Variants in POU3F4 observed in about 807,000 individuals in gnomAD.
POU3F4 encodes the protein POU domain, class 3, transcription factor 4.
POU3F4 carries 2 observed loss-of-function variants against 15.2 expected under a neutral mutation model. The observed-to-expected ratio is 0.13, with a 90% CI of 0.05 to 0.42. The LOEUF is 0.42. Among genes scored for constraint, POU3F4 ranks in the 10% least tolerant of loss-of-function variants. The probability of loss-of-function intolerance (pLI) is 0.99; values close to 1 mark genes in which losing one functional copy is unlikely to be tolerated. For synonymous variants in POU3F4, 158 were observed against 133.3 expected (o/e 1.19, Z -1.28); for missense variants, 220 against 297.0 (o/e 0.74, Z 1.91).
chrX:83,509,721 T>C lies in POU3F4; in HGVS notation c.*311T>C, dbSNP rs1440811075. On this transcript the variant is annotated 3_prime_UTR_variant, in exon 1 of 1. Coordinates refer to ENST00000644024, the MANE Select transcript of POU3F4 (RefSeq NM_000307.5). ...TTTCCTTTTTTTCCCTTTTCTTTCC[T>C]TTTCATAAGAGGTTCTAACTTCTGT... 5 of 322,229 alleles carry C rather than the reference T, an allele frequency of 1.6e-5. No homozygotes were observed. Among genetic ancestry groups the C allele is most frequent in the Non-Finnish European group, 2.8e-5 (5 of 180,317 alleles). 26.6% of individuals were successfully genotyped at this position (322,229 alleles called of 1,213,427 possible). A position where few individuals can be genotyped will look rare whatever the true frequency, so the allele number is the denominator to read the frequency against.
chrX:83,510,365 TA>T lies in POU3F4; in HGVS notation c.*956del, dbSNP rs1243519455. ...GAGTTATTGATGATGATATTGGTTATATTTTTTTTCCGGGGTGGAGTGCCTA... is the reference window on the plus strand; with the variant it reads ...GAGTTATTGATGATGATATTGGTTATTTTTTTTTCCGGGGTGGAGTGCCTA... On this transcript the variant is annotated 3_prime_UTR_variant, in exon 1 of 1. Coordinates refer to ENST00000644024, the MANE Select transcript of POU3F4 (RefSeq NM_000307.5). The T allele has an allele frequency of 9.3e-6, 1 of 107,234 alleles. No homozygotes were observed. The highest frequency in any genetic ancestry group is 3.4e-5 in the African/African-American group (1 of 29,271). The allele number at this position is 107,234 out of a possible 1,213,427, so 8.8% of individuals were successfully genotyped here.
chrX:83,509,218 C>T lies in POU3F4; in HGVS notation c.894C>T (p.Leu298=), dbSNP rs2147996845. 1 of 1,211,436 alleles carries T rather than the reference C, an allele frequency of 8.3e-7. No homozygotes were observed. Among genetic ancestry groups the T allele is most frequent in the Non-Finnish European group, 1.1e-6 (1 of 895,256 alleles). ...AGGGCGTACTGGAGACGCATTTCCT[C>T]AAGTGTCCCAAGCCTGCCGCGCAGG... ...SVKGVLETHF[L]KCPKPAAQEI... is the part of the protein sequence containing the mutation. Residue 298 remains leucine (L), a synonymous_variant, in exon 1 of 1, where the codon CTC becomes CTT. Coordinates refer to ENST00000644024, the MANE Select transcript of POU3F4 (RefSeq NM_000307.5).
rs1447562844 is a variant in POU3F4 at position 83,511,836 on chromosome X, T to G, written c.*2426T>G. 1 of 112,819 alleles carries G rather than the reference T, an allele frequency of 8.9e-6. No individual in the cohort carries two copies. Among genetic ancestry groups the G allele is most frequent in the Admixed American group, 9.4e-5 (1 of 10,689 alleles). The allele number at this position is 112,819 out of a possible 1,213,427, so 9.3% of individuals were successfully genotyped here. On this transcript the variant is annotated 3_prime_UTR_variant, in exon 1 of 1. Transcript: ENST00000644024. The stretch of plus-strand genomic sequence containing the variant: ...GTTATTAATTTAAAGAAAGATCATT[T>G]AGTTTATTCATTTAGTAACTGATGT...
In POU3F4 at chrX:83,508,825, A is replaced by G. The variant is rs1356190950; in HGVS notation, c.501A>G (p.Arg167=). ...ASAQSLHPVL[R]EPPDHGELGS... is the part of the protein sequence containing the mutation. ...CACAGAGCCTGCACCCGGTGCTCCG[A>G]GAGCCCCCGGATCACGGCGAACTGG... Residue 167 remains arginine, a synonymous_variant, in exon 1 of 1, where the codon CGA becomes CGG. Coordinates refer to ENST00000644024, the MANE Select transcript of POU3F4 (RefSeq NM_000307.5). The G allele has an allele frequency of 1.7e-6, 2 of 1,207,750 alleles. No individual in the cohort carries two copies. Among genetic ancestry groups the G allele is most frequent in the Admixed American group, 2.2e-5 (1 of 45,595 alleles).
chrX:83,509,544 T>G lies in POU3F4; in HGVS notation c.*134T>G. ...CTCGTTCGCTCGCTCTCTCGTACTC[T>G]CTCTCTTTTCCCTCCTTTCCTTTTT... is the stretch of plus-strand genomic sequence containing the variant. On this transcript the variant is annotated 3_prime_UTR_variant, in exon 1 of 1. Transcript: ENST00000644024. 1 of 896,209 alleles carries G rather than the reference T, an allele frequency of 1.1e-6. No homozygotes were observed. The highest frequency in any genetic ancestry group is 3.1e-5 in the Admixed American group (1 of 32,193). The allele number at this position is 896,209 out of a possible 1,213,427, so 73.9% of individuals were successfully genotyped here. A position where few individuals can be genotyped will look rare whatever the true frequency, so the allele number is the denominator to read the frequency against.
rs940031434 is a variant in POU3F4 at position 83,509,503 on chromosome X, T to C, written c.*93T>C. ...CTTCCTTTCATTCTAGTATTCTTTA[T>C]TATTTTTCTCTCTCTCTCGTTCGCT... On this transcript the variant is annotated 3_prime_UTR_variant, in exon 1 of 1. Coordinates refer to ENST00000644024, the MANE Select transcript of POU3F4 (RefSeq NM_000307.5). The C allele has an allele frequency of 7.2e-6, 8 of 1,116,881 alleles. No individual in the cohort carries two copies. In the Middle Eastern group the frequency reaches 8.4e-4, roughly 117 times the overall value. 92.0% of individuals were successfully genotyped at this position (1,116,881 alleles called of 1,213,427 possible).
Position 83,511,113 on chromosome X carries a change from CGTGT to C in POU3F4, c.*1713_*1716del, listed in dbSNP as rs746931064. The C allele has an allele frequency of 7.7e-5, 8 of 104,198 alleles. No individual in the cohort carries two copies. Among genetic ancestry groups the C allele is most frequent in the South Asian group, 4.4e-4 (1 of 2,292 alleles). The allele number at this position is 104,198 out of a possible 1,213,427, so 8.6% of individuals were successfully genotyped here. ...ATCTCTGTGTGTATGTGTCTCTGTG[CGTGT>C]GTGTGTGTGCGTGCGCGTGCAAACG... On this transcript the variant is annotated 3_prime_UTR_variant, in exon 1 of 1. Coordinates refer to ENST00000644024, the MANE Select transcript of POU3F4 (RefSeq NM_000307.5).
At position 83,508,306 on chromosome X, in the gene POU3F4, T is replaced by C. The variant is rs764152522; in HGVS notation, c.-19T>C. 5 of 1,211,783 alleles carry C rather than the reference T, an allele frequency of 4.1e-6. No individual in the cohort carries two copies. In the South Asian group the frequency reaches 5.3e-5, roughly 13 times the overall value. ...GCTCCCTTTGCCACATTATAACTAG[T>C]AGGGGATCCTCACCGACCATGGCCA... On this transcript the variant is annotated 5_prime_UTR_variant, in exon 1 of 1. Transcript: ENST00000644024.
rs1408236440 is a variant in POU3F4, at chrX:83,511,034, G to A, written c.*1624G>A. Reference sequence around the variant, plus strand: ...GCGACGATCCAGCGAGCTAGCGAGCGCCCGGGAGGCTGGGTTCCTGCTTTT... The same window carrying A: ...GCGACGATCCAGCGAGCTAGCGAGCACCCGGGAGGCTGGGTTCCTGCTTTT... On this transcript the variant is annotated 3_prime_UTR_variant, in exon 1 of 1. Transcript: ENST00000644024. The A allele has an allele frequency of 9.1e-6, 1 of 109,917 alleles. No individual in the cohort carries two copies. The highest frequency in any genetic ancestry group is 1.9e-5 in the Non-Finnish European group (1 of 52,739). 9.1% of individuals were successfully genotyped at this position (109,917 alleles called of 1,213,427 possible). A position where few individuals can be genotyped will look rare whatever the true frequency, so the allele number is the denominator to read the frequency against.
chrX:83,509,077 G>T lies in POU3F4; in HGVS notation c.753G>T (p.Leu251=). Residue 251 remains leucine, a synonymous_variant, in exon 1 of 1, where the codon CTG becomes CTT. Coordinates refer to ENST00000644024, the MANE Select transcript of POU3F4 (RefSeq NM_000307.5). ...AAAATATGTGCAAGCTGAAGCCCCT[G>T]CTGAACAAGTGGCTGGAGGAGGCGG... ...SFKNMCKLKP[L]LNKWLEEADS... 1 of 1,212,144 alleles carries T rather than the reference G, an allele frequency of 8.2e-7. No individual in the cohort carries two copies. The highest frequency in any genetic ancestry group is 1.1e-6 in the Non-Finnish European group (1 of 895,630).
At position 83,509,134 on chromosome X, in the gene POU3F4, C is replaced by T. The variant is rs371128139; in HGVS notation, c.810C>T (p.Asp270=). 30 of 1,210,096 alleles carry T rather than the reference C, an allele frequency of 2.5e-5. No individual in the cohort carries two copies. The African/African-American group carries it at 5.1e-4, about 20-fold the overall frequency. Residue 270 remains aspartate (D), a synonymous_variant, in exon 1 of 1, where the codon GAC becomes GAT. Transcript: ENST00000644024. ...DSSTGSPTSI[D]KIAAQGRKRK... is the part of the protein sequence containing the mutation. ...CCACAGGGAGCCCGACCAGCATTGACAAGATCGCTGCACAGGGCCGCAAGC... is the reference window on the plus strand; with the variant it reads ...CCACAGGGAGCCCGACCAGCATTGATAAGATCGCTGCACAGGGCCGCAAGC...
rs961473651 is a variant in POU3F4 at position 83,509,863 on chromosome X, G to A, written c.*453G>A. On this transcript the variant is annotated 3_prime_UTR_variant, in exon 1 of 1. Coordinates refer to ENST00000644024, the MANE Select transcript of POU3F4 (RefSeq NM_000307.5). ...GCTCCCCGGGCAACAGTTCCCTTTA[G>A]CCTTTTCTGCTGATCAATACATATT... 1.4e-5 allele frequency: 2 copies of A among 140,491 alleles called. No homozygotes were observed. The highest frequency in any genetic ancestry group is 2.9e-5 in the Non-Finnish European group (2 of 68,481). The allele number at this position is 140,491 out of a possible 1,213,427, so 11.6% of individuals were successfully genotyped here. A position where few individuals can be genotyped will look rare whatever the true frequency, so the allele number is the denominator to read the frequency against.
Position 83,509,518 on chromosome X carries a change from T to C in POU3F4, c.*108T>C. 1 of 1,055,555 alleles carries C rather than the reference T, an allele frequency of 9.5e-7. No homozygotes were observed. The highest frequency in any genetic ancestry group is 1.3e-6 in the Non-Finnish European group (1 of 777,311). The allele number at this position is 1,055,555 out of a possible 1,213,427, so 87.0% of individuals were successfully genotyped here. ...GTATTCTTTATTATTTTTCTCTCTC[T>C]CTCGTTCGCTCGCTCTCTCGTACTC... On this transcript the variant is annotated 3_prime_UTR_variant, in exon 1 of 1. Transcript: ENST00000644024.
rs1047441303 is a variant in POU3F4 at position 83,509,509 on chromosome X, TTC to T, written c.*110_*111del. ...TTCATTCTAGTATTCTTTATTATTTTTCTCTCTCTCTCGTTCGCTCGCTCTCT... is the reference window on the plus strand; with the variant it reads ...TTCATTCTAGTATTCTTTATTATTTTTCTCTCTCTCGTTCGCTCGCTCTCT... On this transcript the variant is annotated 3_prime_UTR_variant, in exon 1 of 1. Transcript: ENST00000644024. 18 of 1,100,713 alleles carry T rather than the reference TTC, an allele frequency of 1.6e-5. No homozygotes were observed. The highest frequency in any genetic ancestry group is 2.1e-5 in the Non-Finnish European group (17 of 816,067). 90.7% of individuals were successfully genotyped at this position (1,100,713 alleles called of 1,213,427 possible).
rs1416539041 is a variant in POU3F4, at chrX:83,509,537, C to T, written c.*127C>T. On this transcript the variant is annotated 3_prime_UTR_variant, in exon 1 of 1. Transcript: ENST00000644024. ...TCTCTCTCTCGTTCGCTCGCTCTCT[C>T]GTACTCTCTCTCTTTTCCCTCCTTT... is the stretch of plus-strand genomic sequence containing the variant. The T allele has an allele frequency of 3.2e-6, 3 of 938,376 alleles. No homozygotes were observed. The highest frequency in any genetic ancestry group is 4.4e-6 in the Non-Finnish European group (3 of 681,861). 77.3% of individuals were successfully genotyped at this position (938,376 alleles called of 1,213,427 possible). A position where few individuals can be genotyped will look rare whatever the true frequency, so the allele number is the denominator to read the frequency against.
Position 83,509,377 on chromosome X carries a change from C to T in POU3F4, c.1053C>T (p.Thr351=), listed in dbSNP as rs1925856503. Residue 351 remains threonine, a synonymous_variant, in exon 1 of 1, where the codon ACC becomes ACT. Transcript: ENST00000644024. ...AGCCGCATGAGGTTTATTCGCACAC[C>T]GTGAAAACAGACACATCTTGCCATG... ...DQQPHEVYSH[T]VKTDTSCHDL 5.8e-6 allele frequency: 7 copies of T among 1,204,169 alleles called. No individual in the cohort carries two copies. Among genetic ancestry groups the T allele is most frequent in the Non-Finnish European group, 6.7e-6 (6 of 891,929 alleles).
Position 83,509,248 on chromosome X carries a change from C to A in POU3F4, c.924C>A (p.Ile308=). The A allele has an allele frequency of 8.3e-7, 1 of 1,211,973 alleles. No individual in the cohort carries two copies. Residue 308 remains isoleucine, a synonymous_variant, in exon 1 of 1, where the codon ATC becomes ATA. Transcript: ENST00000644024. Reference sequence around the variant, plus strand: ...GTCCCAAGCCTGCCGCGCAGGAGATCTCCTCGCTGGCAGACAGCCTCCAGT... The same window carrying A: ...GTCCCAAGCCTGCCGCGCAGGAGATATCCTCGCTGGCAGACAGCCTCCAGT... ...LKCPKPAAQE[I]SSLADSLQLE...
chrX:83,509,699 CCTTT>C lies in POU3F4; in HGVS notation c.*290_*293del. The C allele has an allele frequency of 2.8e-6, 1 of 357,651 alleles. No individual in the cohort carries two copies. Among genetic ancestry groups the C allele is most frequent in the African/African-American group, 2.7e-5 (1 of 37,632 alleles). 29.5% of individuals were successfully genotyped at this position (357,651 alleles called of 1,213,427 possible). ...CCTTTCTTTTCTTTTGCTTTCCTTT[CCTTT>C]TTTTCCCTTTTCTTTCCTTTTCATA... is the stretch of plus-strand genomic sequence containing the variant. On this transcript the variant is annotated 3_prime_UTR_variant, in exon 1 of 1. Coordinates refer to ENST00000644024, the MANE Select transcript of POU3F4 (RefSeq NM_000307.5).
In POU3F4 at chrX:83,510,317, AG is replaced by A. The variant is rs746315632; in HGVS notation, c.*909del. On this transcript the variant is annotated 3_prime_UTR_variant, in exon 1 of 1. Coordinates refer to ENST00000644024, the MANE Select transcript of POU3F4 (RefSeq NM_000307.5). The stretch of plus-strand genomic sequence containing the variant: ...CCCCCCCCCTTCCCAAATCTCTATG[AG>A]GAGGAGAGGATACAACGAAGAGAGT... 1 of 91,295 alleles carries A rather than the reference AG, an allele frequency of 1.1e-5. No individual in the cohort carries two copies. Among genetic ancestry groups the A allele is most frequent in the East Asian group, 4.2e-4 (1 of 2,378 alleles). 7.5% of individuals were successfully genotyped at this position (91,295 alleles called of 1,213,427 possible). A position where few individuals can be genotyped will look rare whatever the true frequency, so the allele number is the denominator to read the frequency against.
Sources: gnomAD v4.1 joint callset for allele counts on GRCh38, gnomAD v4.1.1 for gene constraint, MANE v1.5 for transcripts, NCBI Gene and HGNC (gene_info 2026-07-23, HGNC 2026-07-21) for gene names.